Variants in SDR42E2 observed in about 807,000 individuals in gnomAD.
The protein encoded by SDR42E2 is short chain dehydrogenase/reductase family 42E, member 2, also known as putative short-chain dehydrogenase/reductase family 42E member 2.
A neutral mutation model predicts 10.5 loss-of-function variants in SDR42E2; 20 were observed. The observed-to-expected ratio is 1.90, with a 90% CI of 1.34 to 2.77. SDR42E2 has a LOEUF of 2.77. Among genes scored for constraint, SDR42E2 ranks in the 30% most tolerant of loss-of-function variants. SDR42E2 has a pLI of 0.00. For missense variants in SDR42E2, 162 were observed against 104.2 expected, an observed-to-expected ratio of 1.55 and a Z score of -2.42; for synonymous variants, 72 against 39.2, an observed-to-expected ratio of 1.84 and a Z score of -3.12.
intron 7 of SDR42E2, among the ~76,000 whole-genome samples, chr16:22,176,822 GC>G (rs2046648575): frequency 1.3e-5 from 2 of 152,306 alleles, no homozygotes; most frequent in South Asian, 4.1e-4. Flanking sequence ...ACCTGCTTCT[GC>G]CATTTGGGTC....
chr16:22,181,869 G>A (rs997356877), intron 9 of SDR42E2, among the ~76,000 whole-genome samples: 6 of 152,190 alleles, frequency 3.9e-5, no homozygotes, highest in African/African-American at 1.4e-4. Flanking sequence ...GCCATGTGAG[G>A]TTGGCGTTGT....
chr16:22,164,958 T>C (rs1009408933), intron 1 of SDR42E2, among the ~76,000 whole-genome samples: 2 of 152,220 alleles, frequency 1.3e-5, no homozygotes, highest in Non-Finnish European at 2.9e-5. Flanking sequence ...CAGGAATGCT[T>C]AATGTCAACC....
Position 22,186,210 on chromosome 16 carries a change from A to AT in SDR42E2, c.941-497dup, listed in dbSNP as rs888782213. Among the ~76,000 whole-genome samples the AT allele has an allele frequency of 4.9e-3, 714 of 144,750 alleles. 1 individual carries two copies. The highest frequency in any genetic ancestry group is 0.011 in the Middle Eastern group (3 of 280). 95.0% of individuals were successfully genotyped at this position (144,750 alleles called of 152,430 possible). On this transcript the variant is annotated intron_variant, in intron 11 of 12. Coordinates refer to ENST00000602312, the MANE Select transcript of SDR42E2 (RefSeq NM_001394319.2). ...TTTATTTAAAAACTTCAGTCGTTCA[A>AT]TTTTTTTTTTTTTTCTGACGGAGTC...
At chr16:22,183,705 A>C (rs1013156557) in intron 10 of SDR42E2, among the ~76,000 whole-genome samples, 1 of 152,200 alleles carries the variant, frequency 6.6e-6, no homozygotes, top group East Asian at 1.9e-4. Context: ...AGAAAAGTCA[A>C]TTCTGGAAAA....
At chr16:22,176,154 T>C (rs893168104) in intron 7 of SDR42E2, among the ~76,000 whole-genome samples, 3 of 152,226 alleles carry the variant, frequency 2.0e-5, no homozygotes, top group African/African-American at 7.2e-5. Flanking sequence ...GGTCTCGCTC[T>C]GTCGCCCAGG....
chr16:22,184,764 C>T (rs2046724214), intron 11 of SDR42E2, among the ~76,000 whole-genome samples: 1 of 152,198 alleles, frequency 6.6e-6, no homozygotes, highest in African/African-American at 2.4e-5. Flanking sequence ...AAATTCCACA[C>T]CCTAGGTGTC....
At chr16:22,178,947 C>T (rs966179593) in intron 8 of SDR42E2, among the ~76,000 whole-genome samples, 7 of 152,096 alleles carry the variant, frequency 4.6e-5, no homozygotes, top group South Asian at 2.1e-4. Flanking sequence ...GAGTTATTGG[C>T]GGGGAGAAGT....
intron 12 of SDR42E2, among the ~76,000 whole-genome samples, chr16:22,188,766 C>G (rs1482849065): frequency 6.6e-6 from 1 of 152,094 alleles, no homozygotes; most frequent in African/African-American, 2.4e-5. Context: ...CTCGGGTACC[C>G]TCTGCTGGTC....
intron 8 of SDR42E2, among the ~76,000 whole-genome samples, chr16:22,178,827 G>T (rs149350879): frequency 0.014 from 2,154 of 152,242 alleles, 27 homozygotes; most frequent in Non-Finnish European, 0.024. Flanking sequence ...AAACAGAGGG[G>T]ACAGCTTGGG....
intron 10 of SDR42E2, among the ~76,000 whole-genome samples, chr16:22,182,554 G>C (rs576727885): frequency 1.3e-5 from 2 of 152,058 alleles, no homozygotes; most frequent in Non-Finnish European, 2.9e-5. Flanking sequence ...CACCATGTTT[G>C]CCAGGCTGGT....
chr16:22,186,608 C>G (rs2046738265), intron 11 of SDR42E2, 113 bp from the exon 12 acceptor site: 5 of 400,600 alleles, frequency 1.2e-5, no homozygotes, highest in Non-Finnish European at 2.2e-5. Context: ...GTGACTTCTG[C>G]AAAGTGACCT....
intron 7 of SDR42E2, 108 bp downstream of exon 7, chr16:22,172,439 C>A (rs1371867785): frequency 4.4e-6 from 3 of 685,390 alleles, no homozygotes; most frequent in Non-Finnish European, 8.0e-6. Context: ...CACCTTCCTT[C>A]CAAAGGACGG....
At chr16:22,179,151 TTGAC>T (rs1370775257) in intron 8 of SDR42E2, among the ~76,000 whole-genome samples, 1 of 152,102 alleles carries the variant, frequency 6.6e-6, no homozygotes, top group African/African-American at 2.4e-5. Flanking sequence ...CCATGCCTGA[TTGAC>T]TATTTTTATT....
rs561060648 is a variant in SDR42E2 at position 22,165,601 on chromosome 16, C to A, written c.19C>A (p.Arg7Ser). Residue 7 changes from arginine to serine, a missense_variant, in exon 2 of 13, where the codon CGC becomes AGC. By Grantham distance (110) the Arg-to-Ser change is moderately radical. Coordinates refer to ENST00000602312, the MANE Select transcript of SDR42E2 (RefSeq NM_001394319.2). MKSNPP[R>S]SSLEACKAAG... is the part of the protein sequence containing the mutation. ...GTAGAGGATGAAGTCCAACCCCCCA[C>A]GCTCCTCCCTAGAGGCCTGCAAAGC... The A allele has an allele frequency of 7.5e-6, 3 of 401,328 alleles. No individual in the cohort carries two copies. The highest frequency in any genetic ancestry group is 1.3e-5 in the Non-Finnish European group (3 of 226,422). 24.9% of individuals were successfully genotyped at this position (401,328 alleles called of 1,614,324 possible).
chr16:22,163,852 C>T (rs959831609), intron 1 of SDR42E2, among the ~76,000 whole-genome samples: 1 of 152,134 alleles, frequency 6.6e-6, no homozygotes, highest in African/African-American at 2.4e-5. Context: ...CTGTGACCAC[C>T]ACCAGCAAAA....
At chr16:22,174,843 C>T (rs867425377) in intron 7 of SDR42E2, among the ~76,000 whole-genome samples, 5 of 152,082 alleles carry the variant, frequency 3.3e-5, no homozygotes, top group Non-Finnish European at 7.3e-5. Context: ...AGCTGCAACC[C>T]GACCTCCCCC....
chr16:22,169,391 T>G lies in SDR42E2; in HGVS notation c.337-54T>G. ...TGACCCCAAGCTCAGCCTTCCAGCCTCAGCAAGAAGGCATGGGTAGCACCA... is the reference window on the plus strand; with the variant it reads ...TGACCCCAAGCTCAGCCTTCCAGCCGCAGCAAGAAGGCATGGGTAGCACCA... On this transcript the variant is annotated intron_variant, in intron 4 of 12. Coordinates refer to ENST00000602312, the MANE Select transcript of SDR42E2 (RefSeq NM_001394319.2). 1.1e-5 allele frequency: 8 copies of G among 702,966 alleles called. No homozygotes were observed. In the South Asian group the frequency reaches 1.2e-4, roughly 10 times the overall value. 43.5% of individuals were successfully genotyped at this position (702,966 alleles called of 1,614,324 possible). A position where few individuals can be genotyped will look rare whatever the true frequency, so the allele number is the denominator to read the frequency against.
intron 12 of SDR42E2, among the ~76,000 whole-genome samples, chr16:22,187,578 G>A (rs576293558): frequency 6.7e-6 from 1 of 149,128 alleles, no homozygotes; most frequent in South Asian, 2.1e-4. Flanking sequence ...CTAGGCAACA[G>A]ATGGAGATCC....
At chr16:22,184,861 G>A (rs1470979706) in intron 11 of SDR42E2, among the ~76,000 whole-genome samples, 2 of 152,170 alleles carry the variant, frequency 1.3e-5, no homozygotes, top group East Asian at 3.9e-4. Context: ...TGAGAGGTTA[G>A]TGACTTTCTC....
Sources: allele counts gnomAD v4.1 joint callset (sites outside exome capture counted in the v4.1 genomes callset), GRCh38; gene constraint gnomAD v4.1.1; transcripts MANE v1.5; gene names NCBI Gene and HGNC (gene_info 2026-07-23, HGNC 2026-07-21).